The following TNPO2 variants were observed in gnomAD, a reference collection of about 807,000 sequenced individuals.
The protein encoded by TNPO2 is transportin-2.
TNPO2 carries 16 observed loss-of-function variants against 111.1 expected under a neutral mutation model. That is an observed-to-expected ratio of 0.14 (90% confidence interval 0.10 to 0.22). The LOEUF (loss-of-function observed/expected upper bound fraction) is 0.22. TNPO2 is among the 10% of genes least tolerant of loss of function. The probability of loss-of-function intolerance (pLI) is 1.00; values close to 1 mark genes in which losing one functional copy is unlikely to be tolerated. For synonymous variants in TNPO2, 481 were observed against 475.8 expected, an observed-to-expected ratio of 1.01 and a Z score of -0.14; for missense variants, 530 against 1,173.7, an observed-to-expected ratio of 0.45 and a Z score of 8.01.
chr19:12,706,088 T>A lies in TNPO2; in HGVS notation c.1668+108A>T, dbSNP rs1031598878. 1.2e-5 allele frequency: 15 copies of A among 1,284,876 alleles called. No homozygotes were observed. Among genetic ancestry groups the A allele is most frequent in the Non-Finnish European group, 1.6e-5 (15 of 937,188 alleles). The allele number at this position is 1,284,876 out of a possible 1,614,324, so 79.6% of individuals were successfully genotyped here. ...GCGGGGCCGGGTCTGTCTGTCTGCC[T>A]GTCGAGGTCACGGCCACGTCCCTGG... On this transcript the variant is annotated intron_variant, in intron 15 of 25. Transcript: ENST00000425528. This position sits in a 1 kb window ranked among gnomAD's most constrained non-coding sequence, Gnocchi z 7.0.
At chr19:12,717,195 T>A (rs2026410160) in intron 5 of TNPO2, among the ~76,000 whole-genome samples, 1 of 150,984 alleles carries the variant, frequency 6.6e-6, no homozygotes, top group South Asian at 2.1e-4. Context: ...TGTGCCTCAG[T>A]GCTTCCAGCC....
chr19:12,717,781 A>G (rs1446327333), intron 5 of TNPO2, among the ~76,000 whole-genome samples: 1 of 151,768 alleles, frequency 6.6e-6, no homozygotes, highest in Non-Finnish European at 1.5e-5. Context: ...GGCTCAAGCA[A>G]TTCTCCTGCC....
intron 13 of TNPO2, among the ~76,000 whole-genome samples, chr19:12,707,479 C>CTTTTTTTTTTTTTT (rs56817777): frequency 1.3e-5 from 1 of 74,962 alleles, no homozygotes; most frequent in Admixed American, 1.7e-4. Context: ...TGTGAGTTTT[C>CTTTTTTTTTTTTTT]TTTTTTTTTT....
chr19:12,715,626 T>A lies in TNPO2; in HGVS notation c.432+7A>T. 1 of 1,613,786 alleles carries A rather than the reference T, an allele frequency of 6.2e-7. No homozygotes were observed. Among genetic ancestry groups the A allele is most frequent in the East Asian group, 2.2e-5 (1 of 44,888 alleles). On this transcript the variant is annotated splice_region_variant and intron_variant, in intron 6 of 25. Transcript: ENST00000425528. This position sits in a 1 kb window ranked among gnomAD's most constrained non-coding sequence, Gnocchi z 7.1. ...CTCGCTCTGGCCATCCATGGCTTCT[T>A]GCCTACCTCACAAGTGTTGTAATCC...
chr19:12,703,896 C>T lies in TNPO2; in HGVS notation c.2023-95G>A, dbSNP rs1460398444. 1.6e-5 allele frequency: 18 copies of T among 1,122,610 alleles called. No homozygotes were observed. In the Admixed American group the frequency reaches 4.8e-4, roughly 30 times the overall value. The allele number at this position is 1,122,610 out of a possible 1,614,324, so 69.5% of individuals were successfully genotyped here. On this transcript the variant is annotated intron_variant, in intron 18 of 25. Coordinates refer to ENST00000425528, the MANE Select transcript of TNPO2 (RefSeq NM_001382241.1). The stretch of plus-strand genomic sequence containing the variant: ...GTCCCTGGTGCATGTCCAGCCTCTG[C>T]CACTTTCCAGTTCTAGAGCTCCTAG...
chr19:12,704,685 T>C (rs200418851), intron 18 of TNPO2, among the ~76,000 whole-genome samples: 2 of 144,874 alleles, frequency 1.4e-5, no homozygotes, highest in Non-Finnish European at 3.0e-5. Flanking sequence ...TATTTTCTTT[T>C]CTTTCTTTTT....
chr19:12,719,452 C>T lies in TNPO2; in HGVS notation c.100-116G>A, dbSNP rs1339614061. Reference sequence around the variant, plus strand: ...ACCAGGCTGCCAGCTCCTGGGGGATCCCGCTCCCTAATAAGCCCACAATGA... The same window carrying T: ...ACCAGGCTGCCAGCTCCTGGGGGATTCCGCTCCCTAATAAGCCCACAATGA... On this transcript the variant is annotated intron_variant, in intron 3 of 25. Transcript: ENST00000425528. This position sits in a 1 kb window ranked among gnomAD's most constrained non-coding sequence, Gnocchi z 5.0. The T allele has an allele frequency of 1.1e-5, 9 of 833,138 alleles. No homozygotes were observed. Among genetic ancestry groups the T allele is most frequent in the Non-Finnish European group, 1.6e-5 (8 of 499,422 alleles). The allele number at this position is 833,138 out of a possible 1,614,324, so 51.6% of individuals were successfully genotyped here.
Position 12,699,284 on chromosome 19 carries a change from C to T in TNPO2, c.*1980G>A, listed in dbSNP as rs1385272553. 2 of 444,988 alleles carry T rather than the reference C, an allele frequency of 4.5e-6. No homozygotes were observed. Among genetic ancestry groups the T allele is most frequent in the Non-Finnish European group, 9.0e-6 (2 of 221,814 alleles). 27.6% of individuals were successfully genotyped at this position (444,988 alleles called of 1,614,324 possible). A position where few individuals can be genotyped will look rare whatever the true frequency, so the allele number is the denominator to read the frequency against. On this transcript the variant is annotated 3_prime_UTR_variant, in exon 26 of 26. Coordinates refer to ENST00000425528, the MANE Select transcript of TNPO2 (RefSeq NM_001382241.1). ...CTCGGCGCCAATCCCCAGCACAGCACAGTAACAAATGGACAGACCCGGGAG... is the reference window on the plus strand; with the variant it reads ...CTCGGCGCCAATCCCCAGCACAGCATAGTAACAAATGGACAGACCCGGGAG...
chr19:12,701,921 G>A lies in TNPO2; in HGVS notation c.2412-70C>T, dbSNP rs2025332070. On this transcript the variant is annotated intron_variant, in intron 22 of 25. Transcript: ENST00000425528. This position sits in a 1 kb window ranked among gnomAD's most constrained non-coding sequence, Gnocchi z 5.0. ...TGCATCTGTGGAGGGCTGGGTCACT[G>A]GGGATCAGTGAGTGGGCCTGGGACA... The A allele has an allele frequency of 6.8e-7, 1 of 1,475,702 alleles. No individual in the cohort carries two copies. The highest frequency in any genetic ancestry group is 9.5e-7 in the Non-Finnish European group (1 of 1,056,304). 91.4% of individuals were successfully genotyped at this position (1,475,702 alleles called of 1,614,324 possible). A position where few individuals can be genotyped will look rare whatever the true frequency, so the allele number is the denominator to read the frequency against.
intron 13 of TNPO2, among the ~76,000 whole-genome samples, chr19:12,707,093 G>A (rs970446974): frequency 6.6e-6 from 1 of 152,138 alleles, no homozygotes; most frequent in Non-Finnish European, 1.5e-5. Context: ...TCACCTCCTG[G>A]TTCAAACAAT....
intron 10 of TNPO2, among the ~76,000 whole-genome samples, chr19:12,714,397 C>G (rs7249929): frequency 0.13 from 20,280 of 151,050 alleles, 4,098 homozygotes; most frequent in African/African-American, 0.44. Flanking sequence ...ACTACAACCT[C>G]AGCCTCCTGG....
rs759095106 is a variant in TNPO2 at position 12,719,271 on chromosome 19, G to T, written c.165C>A (p.Leu55=). 1 of 1,613,998 alleles carries T rather than the reference G, an allele frequency of 6.2e-7. No homozygotes were observed. The highest frequency in any genetic ancestry group is 8.5e-7 in the Non-Finnish European group (1 of 1,179,876). ...NNYLIFVLTR[L]KSEDEPTRSL... ...GAGCAGAGGGCGTACCTTCTGACTT[G>T]AGTCTGGTCAGGACGAAAATCAGGT... Residue 55 remains leucine (L), a synonymous_variant, in exon 4 of 26, where the codon CTC becomes CTA. Coordinates refer to ENST00000425528, the MANE Select transcript of TNPO2 (RefSeq NM_001382241.1). The surrounding 1 kb of genome is among the most constrained non-coding windows in gnomAD (Gnocchi z 5.0).
At position 12,711,478 on chromosome 19, in the gene TNPO2, C is replaced by G. The variant is rs760944778; in HGVS notation, c.952-17G>C. 6.2e-7 allele frequency: 1 copy of G among 1,613,870 alleles called. No homozygotes were observed. Among genetic ancestry groups the G allele is most frequent in the South Asian group, 1.1e-5 (1 of 91,074 alleles). On this transcript the variant is annotated splice_polypyrimidine_tract_variant and intron_variant, in intron 11 of 25. Coordinates refer to ENST00000425528, the MANE Select transcript of TNPO2 (RefSeq NM_001382241.1). ...CACATCCCCCTGGGGGACAGGCAGA[C>G]TGTTAAGTACTTTGGGGACCACAGC...
chr19:12,706,860 A>G lies in TNPO2; in HGVS notation c.1271-65T>C, dbSNP rs2025703839. ...GCCCAGCCACACCCACCGTATGGAG[A>G]GAAGAGTCAGCCGCACACAACATAT... On this transcript the variant is annotated intron_variant, in intron 13 of 25. Transcript: ENST00000425528. The surrounding 1 kb of genome is among the most constrained non-coding windows in gnomAD (Gnocchi z 7.0). 2 of 1,351,236 alleles carry G rather than the reference A, an allele frequency of 1.5e-6. No individual in the cohort carries two copies. The highest frequency in any genetic ancestry group is 2.1e-6 in the Non-Finnish European group (2 of 968,012). The allele number at this position is 1,351,236 out of a possible 1,614,324, so 83.7% of individuals were successfully genotyped here.
intron 13 of TNPO2, among the ~76,000 whole-genome samples, chr19:12,708,369 T>C (rs1331045276): frequency 6.6e-6 from 1 of 151,130 alleles, no homozygotes; most frequent in East Asian, 2.0e-4. Context: ...TGGCATCAGG[T>C]GATCCACCCG....
intron 13 of TNPO2, among the ~76,000 whole-genome samples, chr19:12,709,494 A>AT (rs903496229): frequency 8.6e-5 from 13 of 151,478 alleles, no homozygotes; most frequent in Non-Finnish European, 1.3e-4. Flanking sequence ...TCTTTAGACA[A>AT]TTTTTTTTTG....
intron 12 of TNPO2, 116 bp from the exon 13 acceptor site, chr19:12,710,889 CTT>C: frequency 9.1e-7 from 1 of 1,103,402 alleles, no homozygotes; most frequent in Non-Finnish European, 1.2e-6. Flanking sequence ...CGATCAGCTT[CTT>C]TTTTTTTGTT....
chr19:12,712,442 G>A (rs1035936330), intron 10 of TNPO2, among the ~76,000 whole-genome samples: 2 of 152,166 alleles, frequency 1.3e-5, no homozygotes, highest in Non-Finnish European at 2.9e-5. Context: ...AGGCCTAACC[G>A]TCTCCCTGAG....
In TNPO2 at chr19:12,721,200, G is replaced by T. The variant is rs1330526909; in HGVS notation, c.-13-210C>A. 1.2e-5 allele frequency: 16 copies of T among 1,377,740 alleles called. No individual in the cohort carries two copies. The Admixed American group carries it at 2.4e-4, about 20-fold the overall frequency. 85.3% of individuals were successfully genotyped at this position (1,377,740 alleles called of 1,614,324 possible). The stretch of plus-strand genomic sequence containing the variant: ...GTCGCGGGCTCGGGAGCGCGGGAGG[G>T]GGGATGTGGAAACGGGCCACAGGCG... On this transcript the variant is annotated intron_variant, in intron 2 of 25. Transcript: ENST00000425528. The surrounding 1 kb of genome is among the most constrained non-coding windows in gnomAD (Gnocchi z 4.9).
Sources: gnomAD v4.1 joint callset for allele counts (sites outside exome capture counted in the v4.1 genomes callset) on GRCh38, gnomAD v4.1.1 for gene constraint, Gnocchi (gnomAD v3.1) non-coding constraint, MANE v1.5 for transcripts, NCBI Gene and HGNC (gene_info 2026-07-23, HGNC 2026-07-21) for gene names.